MAST3: variants seen among roughly 807,000 people sequenced by gnomAD.
The protein encoded by MAST3 is microtubule-associated serine/threonine-protein kinase 3.
In MAST3, 43 loss-of-function variants were observed where a neutral mutation model predicts 127.0. The observed-to-expected ratio is 0.34, with a 90% CI of 0.27 to 0.44. The LOEUF is 0.44. Among genes scored for constraint, MAST3 ranks in the 20% least tolerant of loss-of-function variants. MAST3 has a pLI of 1.00. For missense variants in MAST3, 1,390 were observed against 1,919.1 expected (o/e 0.72, Z 5.15); for synonymous variants, 785 against 809.2 (o/e 0.97, Z 0.51).
intron 3 of MAST3, among the ~76,000 whole-genome samples, chr19:18,118,576 CTGAGGCTG>C (rs1348996771): frequency 6.6e-6 from 1 of 152,144 alleles, no homozygotes; most frequent in East Asian, 1.9e-4. Context: ...CTTGGAAAAA[CTGAGGCTG>C]ATCTGCCGCT....
intron 18 of MAST3, among the ~76,000 whole-genome samples, chr19:18,136,517 G>T (rs2041904551): frequency 6.6e-6 from 1 of 152,208 alleles, no homozygotes; most frequent in African/African-American, 2.4e-5. Context: ...CCAGGCTCAA[G>T]CGATCCTCCC....
intron 3 of MAST3, among the ~76,000 whole-genome samples, chr19:18,113,166 G>A (rs2038835437): frequency 6.6e-6 from 1 of 152,168 alleles, no homozygotes; most frequent in Admixed American, 6.5e-5. Context: ...CACCACCGGG[G>A]GGCAGCAGAG....
Position 18,141,959 on chromosome 19 carries a change from G to C in MAST3, c.2283G>C (p.Glu761Asp). ...AAAGGAGCTTCAGTGAAGACCGGGAGGAGGGGTGGGAGCGCAGCGAAGTGG... is the reference window on the plus strand; with the variant it reads ...AAAGGAGCTTCAGTGAAGACCGGGACGAGGGGTGGGAGCGCAGCGAAGTGG... ...FAERSFSEDREEGWERSEVDY... is the reference protein window; with the variant it reads ...FAERSFSEDRDEGWERSEVDY... The change falls in exon 21 of 28, where the codon GAG (glutamate) becomes GAC (aspartate). Residue 761 changes from glutamate (E) to aspartate (D), a missense_variant. Physicochemically the swap from Glu to Asp is conservative, Grantham distance 45. Around this residue, in one of 5 missense-constraint regions of MAST3, gnomAD observed 816 missense variants for 934.1 expected, o/e 0.87. Coordinates refer to ENST00000687212, the MANE Select transcript of MAST3 (RefSeq NM_001393504.1). 2 of 1,557,372 alleles carry C rather than the reference G, an allele frequency of 1.3e-6. No homozygotes were observed. The highest frequency in any genetic ancestry group is 1.7e-6 in the Non-Finnish European group (2 of 1,148,404).
chr19:18,106,291 T>G (rs2038064223), intron 1 of MAST3, among the ~76,000 whole-genome samples: 1 of 152,012 alleles, frequency 6.6e-6, no homozygotes, highest in African/African-American at 2.4e-5. Context: ...CTCTCATTGT[T>G]GCCAGGCTAG....
chr19:18,146,368 C>G (rs938293899), intron 25 of MAST3, among the ~76,000 whole-genome samples: 1 of 152,060 alleles, frequency 6.6e-6, no homozygotes, highest in South Asian at 2.1e-4. Flanking sequence ...TCGCTTGGGC[C>G]GAGGAGGTTG....
chr19:18,098,888 C>T, intron 1 of MAST3: 1 of 442,112 alleles, frequency 2.3e-6, no homozygotes, highest in Non-Finnish European at 4.5e-6. Flanking sequence ...AGCGGTGACC[C>T]CACGGAGTGA....
rs374635791 is a variant in MAST3 at position 18,142,159 on chromosome 19, A to C, written c.2339+144A>C. On this transcript the variant is annotated intron_variant, in intron 21 of 27. Coordinates refer to ENST00000687212, the MANE Select transcript of MAST3 (RefSeq NM_001393504.1). ...TGACCAGCCTATCAGGTCCCTGGCA[A>C]CCTTGCTCCCTTTGGCTCTGTGTTC... The C allele has an allele frequency of 1.7e-5, 15 of 892,346 alleles. No individual in the cohort carries two copies. In the African/African-American group the frequency reaches 1.7e-4, roughly 10 times the overall value. The allele number at this position is 892,346 out of a possible 1,614,324, so 55.3% of individuals were successfully genotyped here.
chr19:18,115,405 C>T (rs778653967), intron 3 of MAST3, among the ~76,000 whole-genome samples: 6 of 151,916 alleles, frequency 3.9e-5, no homozygotes, highest in Non-Finnish European at 8.8e-5. Context: ...GAGGGGGCAG[C>T]GCCTTTACCG....
intron 14 of MAST3, among the ~76,000 whole-genome samples, chr19:18,131,423 A>C (rs953744671): frequency 7.4e-6 from 1 of 135,914 alleles, no homozygotes; most frequent in Non-Finnish European, 1.6e-5. Flanking sequence ...AAAATAGGCC[A>C]GGCGCGGTGG....
intron 1 of MAST3, among the ~76,000 whole-genome samples, chr19:18,099,230 G>A (rs967442090): frequency 6.6e-6 from 1 of 151,590 alleles, no homozygotes; most frequent in Non-Finnish European, 1.5e-5. Context: ...GGAAGGCACG[G>A]GCTGAGCTGC....
chr19:18,103,065 C>T (rs2037780209), intron 1 of MAST3, among the ~76,000 whole-genome samples: 1 of 152,166 alleles, frequency 6.6e-6, no homozygotes, highest in Non-Finnish European at 1.5e-5. Context: ...CTCCACTCCT[C>T]TGGGTGGGAA....
At chr19:18,106,255 T>A (rs1483308252) in intron 1 of MAST3, among the ~76,000 whole-genome samples, 1 of 151,428 alleles carries the variant, frequency 6.6e-6, no homozygotes, top group Non-Finnish European at 1.5e-5. Flanking sequence ...ACCTGGCTAA[T>A]TTTTTTTTCT....
At position 18,110,529 on chromosome 19, in the gene MAST3, C is replaced by G; in HGVS notation, c.72-123C>G. 2 of 849,586 alleles carry G rather than the reference C, an allele frequency of 2.4e-6. No homozygotes were observed. The highest frequency in any genetic ancestry group is 2.8e-6 in the Non-Finnish European group (2 of 705,400). The allele number at this position is 849,586 out of a possible 1,614,324, so 52.6% of individuals were successfully genotyped here. On this transcript the variant is annotated intron_variant, in intron 2 of 27. Transcript: ENST00000687212. This position sits in a 1 kb window ranked among gnomAD's most constrained non-coding sequence, Gnocchi z 4.3. ...CCCGCCCTCACGTCCTGAGCTGAAC[C>G]CAGAATCCCCGGTCTTGGGCCCCTA...
In MAST3 at chr19:18,122,546, C is replaced by A. The variant is rs2040125397; in HGVS notation, c.321-127C>A. ...GACTTGGTCAGCCTGTGTCTCTGTT[C>A]TTGGTTATTTTCAGGAGATCCTTCC... On this transcript the variant is annotated intron_variant, in intron 5 of 27. Coordinates refer to ENST00000687212, the MANE Select transcript of MAST3 (RefSeq NM_001393504.1). 6.3e-6 allele frequency: 5 copies of A among 791,340 alleles called. No individual in the cohort carries two copies. In the South Asian group the frequency reaches 7.7e-5, roughly 12 times the overall value. The allele number at this position is 791,340 out of a possible 1,614,324, so 49.0% of individuals were successfully genotyped here. A position where few individuals can be genotyped will look rare whatever the true frequency, so the allele number is the denominator to read the frequency against.
chr19:18,109,975 T>A (rs1458464674), intron 2 of MAST3: 2 of 985,152 alleles, frequency 2.0e-6, no homozygotes, highest in Non-Finnish European at 2.4e-6. Context: ...GCGGAGCCAG[T>A]GACCGCCCTT....
intron 1 of MAST3, among the ~76,000 whole-genome samples, chr19:18,102,865 C>A (rs1027267297): frequency 1.3e-5 from 2 of 152,132 alleles, no homozygotes; most frequent in Non-Finnish European, 2.9e-5. Flanking sequence ...CCAGCTGCTT[C>A]GGGTCTCTCT....
rs138290118 is a variant in MAST3, at chr19:18,135,235, C to T, written c.1870+253C>T. On this transcript the variant is annotated intron_variant, in intron 17 of 27. Transcript: ENST00000687212. ...ATTCCAGCACTTTGGGAGGCTGAGG[C>T]GGGAGGATCATATAAGGTCAGGAGT... Among the ~76,000 whole-genome samples, 351 of 152,082 alleles carry T rather than the reference C, an allele frequency of 2.3e-3. No homozygotes were observed. The highest frequency in any genetic ancestry group is 3.1e-3 in the Non-Finnish European group (212 of 67,972).
intron 10 of MAST3, 118 bp from the exon 11 acceptor site, chr19:18,124,524 G>C (rs1373936238): frequency 1.4e-6 from 2 of 1,398,070 alleles, no homozygotes; most frequent in African/African-American, 2.9e-5. Flanking sequence ...TAAGGAGGCA[G>C]CGGGAGTGGA....
rs761058921 is a variant in MAST3, at chr19:18,144,493, G to A, written c.2612G>A (p.Arg871His). 54 of 1,593,316 alleles carry A rather than the reference G, an allele frequency of 3.4e-5. No homozygotes were observed. Among genetic ancestry groups the A allele is most frequent in the Non-Finnish European group, 3.9e-5 (46 of 1,172,086 alleles). The change falls in exon 23 of 28, where the codon CGC (arginine) becomes CAC (histidine). Residue 871 changes from arginine (R) to histidine (H), a missense_variant. Arg to His is a conservative substitution (Grantham distance 29, BLOSUM62 0). Transcript: ENST00000687212. This position sits in a 1 kb window ranked among gnomAD's most constrained non-coding sequence, Gnocchi z 4.0. ...GACACAGCTGCTCTCAGCCACGCCC[G>A]CCTACGGAGCAATAGCATCGGCGCC... ...SADTAALSHA[R>H]LRSNSIGARH...
Sources: gnomAD v4.1 joint callset for allele counts (sites outside exome capture counted in the v4.1 genomes callset) on GRCh38, gnomAD v4.1.1 for gene constraint, gnomAD v4.1.1 regional missense constraint, Gnocchi (gnomAD v3.1) non-coding constraint, MANE v1.5 for transcripts, NCBI Gene and HGNC (gene_info 2026-07-23, HGNC 2026-07-21) for gene names.